Variants in PTBP3 observed in about 807,000 individuals in gnomAD.
PTBP3 encodes the protein polypyrimidine tract-binding protein 3.
Under a neutral mutation model 58.7 loss-of-function variants are expected in PTBP3, and 20 were observed. The ratio of observed to expected loss-of-function variants is 0.34; its 90% CI spans 0.24 to 0.50. The LOEUF is 0.50. Ranked by LOEUF, PTBP3 falls within the 20% of genes least tolerant of loss-of-function variation. The pLI is 0.98. For synonymous variants in PTBP3, 185 were observed against 219.8 expected (o/e 0.84, Z 1.40); for missense variants, 509 against 637.2 (o/e 0.80, Z 2.17).
chr9:112,314,274 C>G (rs923053460), intron 1 of PTBP3, among the ~76,000 whole-genome samples: 1 of 152,106 alleles, frequency 6.6e-6, no homozygotes, highest in African/African-American at 2.4e-5. Flanking sequence ...AAGTACACTT[C>G]AAGATAGGAA....
intron 2 of PTBP3, among the ~76,000 whole-genome samples, chr9:112,279,465 A>G (rs1827764719): frequency 6.6e-6 from 1 of 152,162 alleles, no homozygotes; most frequent in South Asian, 2.1e-4. Context: ...CGAAACATGG[A>G]TTCATTTTTT....
chr9:112,361,924 A>G, the PTBP3 span, among the ~76,000 whole-genome samples: 9 of 152,096 alleles, frequency 5.9e-5, no homozygotes, highest in Non-Finnish European at 1.0e-4. Flanking sequence ...TTTTTTTATT[A>G]TAGTCAACCT....
At chr9:112,322,955 A>C (rs1401583518) in intron 1 of PTBP3, among the ~76,000 whole-genome samples, 3 of 152,248 alleles carry the variant, frequency 2.0e-5, no homozygotes, top group African/African-American at 7.2e-5. Flanking sequence ...TGAATTAAGA[A>C]GCAAACATCT....
intron 5 of PTBP3, among the ~76,000 whole-genome samples, chr9:112,255,969 A>T (rs1234989768): frequency 6.6e-6 from 1 of 152,100 alleles, no homozygotes; most frequent in African/African-American, 2.4e-5. Context: ...ATAAATATTT[A>T]TCAGCTGGGC....
chr9:112,333,619 T>C lies in PTBP3; in HGVS notation c.-201A>G, dbSNP rs1830482160. 2.1e-6 allele frequency: 2 copies of C among 957,762 alleles called. No individual in the cohort carries two copies. The highest frequency in any genetic ancestry group is 3.0e-5 in the East Asian group (1 of 32,818). 59.3% of individuals were successfully genotyped at this position (957,762 alleles called of 1,614,324 possible). On this transcript the variant is annotated 5_prime_UTR_variant, in exon 1 of 14. Transcript: ENST00000374257. ...CGGCCGGTCCGAGGTGGAAGGAGAG[T>C]GGGAACAGGGGCGGGGACCGGGCAC...
chr9:112,330,548 A>C (rs1016601317), intron 1 of PTBP3: 1 of 974,468 alleles, frequency 1.0e-6, no homozygotes, highest in Non-Finnish European at 1.6e-6. Flanking sequence ...AGAGATAGTA[A>C]GAATAAAGGG....
Position 112,262,596 on chromosome 9 carries a change from C to T in PTBP3, c.355G>A (p.Ala119Thr). 1 of 1,594,612 alleles carries T rather than the reference C, an allele frequency of 6.3e-7. No homozygotes were observed. The change falls in exon 5 of 14, where the codon GCC (alanine) becomes ACC (threonine). Residue 119 changes from alanine (A) to threonine (T), a missense_variant. Ala to Thr is a moderately conservative substitution (Grantham distance 58). Coordinates refer to ENST00000374257, the MANE Select transcript of PTBP3 (RefSeq NM_001163788.4). Reference protein sequence around the residue: ...KTDNLPNQARAQAALQAVSAV... With the variant: ...KTDNLPNQARTQAALQAVSAV... ...CTGACAGCCTGCAGTGCAGCTTGGG[C>T]TCGCTATAGAACAACCCAAAATGAG...
chr9:112,307,982 AGTGTTAGT>A (rs1829300402), intron 1 of PTBP3, among the ~76,000 whole-genome samples: 1 of 152,186 alleles, frequency 6.6e-6, no homozygotes, highest in African/African-American at 2.4e-5. Context: ...AGCTATCGTT[AGTGTTAGT>A]GTATTTTATG....
chr9:112,297,521 G>A (rs1379605667), intron 2 of PTBP3, among the ~76,000 whole-genome samples: 1 of 152,086 alleles, frequency 6.6e-6, no homozygotes, highest in Admixed American at 6.5e-5. Flanking sequence ...CCAAGTTTTA[G>A]ATCTAGCTCT....
rs1184970748 is a variant in PTBP3, at chr9:112,250,974, C to T, written c.757G>A (p.Gly253Ser). 1.2e-6 allele frequency: 2 copies of T among 1,609,994 alleles called. No homozygotes were observed. The highest frequency in any genetic ancestry group is 2.2e-5 in the East Asian group (1 of 44,658). The change falls in exon 7 of 14, where the codon GGT becomes AGT. Residue 253 changes from glycine (G) to serine (S), a missense_variant. Gly to Ser is a moderately conservative substitution (Grantham distance 56, BLOSUM62 0). Transcript: ENST00000374257. Reference sequence around the variant, plus strand: ...GGTTCAAGGGATGGCTGGCCATCACCAGTAGGAAGGTCTAAGCGAGTGAAG... The same window carrying T: ...GGTTCAAGGGATGGCTGGCCATCACTAGTAGGAAGGTCTAAGCGAGTGAAG... ...RDFTRLDLPT[G>S]DGQPSLEPPM...
At chr9:112,375,177 G>A in the PTBP3 span, among the ~76,000 whole-genome samples, 1 of 152,186 alleles carries the variant, frequency 6.6e-6, no homozygotes, top group Non-Finnish European at 1.5e-5. Context: ...GTCACCCGTT[G>A]GTTAGCACTT....
At chr9:112,224,300 A>T (rs1834903435) in intron 12 of PTBP3, 90 bp from the exon 13 acceptor site, 2 of 766,738 alleles carry the variant, frequency 2.6e-6, no homozygotes, top group Middle Eastern at 5.0e-4. Context: ...TCTAGAGTAC[A>T]TTTCAAACAG....
At position 112,262,567 on chromosome 9, in the gene PTBP3, G is replaced by A. The variant is rs377593985; in HGVS notation, c.384C>T (p.Ala128=). Residue 128 remains alanine, a synonymous_variant, in exon 5 of 14, where the codon GCC becomes GCT. Coordinates refer to ENST00000374257, the MANE Select transcript of PTBP3 (RefSeq NM_001163788.4). ...AAAGGGCCAGGCTTCCTGATTGGAC[G>A]GCACTGACAGCCTGCAGTGCAGCTT... ...RAQAALQAVS[A]VQSGSLALSG... 25 of 1,608,190 alleles carry A rather than the reference G, an allele frequency of 1.6e-5. No individual in the cohort carries two copies. The highest frequency in any genetic ancestry group is 2.3e-5 in the East Asian group (1 of 44,416).
At chr9:112,264,299 G>A (rs75538236) in intron 4 of PTBP3, among the ~76,000 whole-genome samples, 437 of 152,214 alleles carry the variant, frequency 2.9e-3, no homozygotes, top group African/African-American at 0.01. Context: ...TCCTTCTATG[G>A]TCATCTCATG....
the PTBP3 span, among the ~76,000 whole-genome samples, chr9:112,363,560 A>ACACACACACAC: frequency 6.3e-5 from 6 of 95,822 alleles, no homozygotes; most frequent in African/African-American, 2.7e-4. Flanking sequence ...ACACACACAC[A>ACACACACACAC]AAGGCTATTC....
chr9:112,361,289 G>C, the PTBP3 span, among the ~76,000 whole-genome samples: 1 of 151,998 alleles, frequency 6.6e-6, no homozygotes, highest in African/African-American at 2.4e-5. Flanking sequence ...AGTAGATTCG[G>C]GGTTTCACCA....
chr9:112,254,056 T>C (rs566236253), intron 5 of PTBP3, among the ~76,000 whole-genome samples: 1 of 152,330 alleles, frequency 6.6e-6, no homozygotes, highest in South Asian at 2.1e-4. Flanking sequence ...TATGGTACAA[T>C]CATGGCTCAC....
At chr9:112,326,648 A>C (rs1830167937) in intron 1 of PTBP3, among the ~76,000 whole-genome samples, 1 of 152,272 alleles carries the variant, frequency 6.6e-6, no homozygotes, top group Admixed American at 6.5e-5. Flanking sequence ...AAAAAGTCTA[A>C]AACATATTTG....
intron 2 of PTBP3, among the ~76,000 whole-genome samples, chr9:112,293,211 T>G (rs1305894234): frequency 6.6e-6 from 1 of 152,160 alleles, no homozygotes; most frequent in African/African-American, 2.4e-5. Flanking sequence ...GAAGTCAAGC[T>G]AATGAATACA....
Sources: allele counts gnomAD v4.1 joint callset (sites outside exome capture counted in the v4.1 genomes callset), GRCh38; gene constraint gnomAD v4.1.1; transcripts MANE v1.5; gene names NCBI Gene and HGNC (gene_info 2026-07-23, HGNC 2026-07-21).